The following EDEM1 variants were observed in gnomAD, a reference collection of about 807,000 sequenced individuals.
EDEM1 encodes ER degradation enhancing alpha-mannosidase like protein 1, also known as ER degradation-enhancing alpha-mannosidase-like protein 1.
EDEM1 carries 67 observed loss-of-function variants against 74.4 expected under a neutral mutation model. The ratio of observed to expected loss-of-function variants is 0.90; its 90% CI spans 0.74 to 1.10. EDEM1 has a LOEUF of 1.10. EDEM1 is among the 50% of genes least tolerant of loss of function. The pLI is 0.00. For synonymous variants in EDEM1, 382 were observed against 335.9 expected, an observed-to-expected ratio of 1.14 and a Z score of -1.50; for missense variants, 926 against 851.6, an observed-to-expected ratio of 1.09 and a Z score of -1.09.
chr3:5,203,318 T>C (rs1183253146), intron 5 of EDEM1, among the ~76,000 whole-genome samples, 169 bp downstream of exon 5: 1 of 152,198 alleles, frequency 6.6e-6, no homozygotes, highest in Non-Finnish European at 1.5e-5. Flanking sequence ...AGAGGCTGCA[T>C]GGTCTGATGG....
chr3:5,190,009 G>A (rs1483821999), intron 1 of EDEM1, among the ~76,000 whole-genome samples: 3 of 149,904 alleles, frequency 2.0e-5, no homozygotes, highest in Non-Finnish European at 3.0e-5. Flanking sequence ...TGGGGGGGGG[G>A]ATAAACTTCA....
chr3:5,195,569 C>T (rs1471483738), intron 2 of EDEM1, among the ~76,000 whole-genome samples: 1 of 152,002 alleles, frequency 6.6e-6, no homozygotes, highest in East Asian at 1.9e-4. Flanking sequence ...TAAAAGAACC[C>T]ATAATGAAGC....
intron 11 of EDEM1, 122 bp downstream of exon 11, chr3:5,213,644 C>A (rs529120265): frequency 1.0e-5 from 10 of 962,142 alleles, no homozygotes; most frequent in Non-Finnish European, 1.5e-5. Context: ...GATTTGAAAA[C>A]ACCTCCTAAA....
intron 6 of EDEM1, 67 bp downstream of exon 6, chr3:5,205,308 A>T: frequency 6.7e-7 from 1 of 1,489,406 alleles, no homozygotes; most frequent in Non-Finnish European, 9.1e-7. Context: ...AAGCGTTTGT[A>T]TTTTTTTTAA....
intron 10 of EDEM1, among the ~76,000 whole-genome samples, chr3:5,211,876 T>C (rs341989): frequency 0.93 from 141,913 of 152,242 alleles, 66,448 homozygotes; most frequent in Non-Finnish European, 0.98. Context: ...GCTCTTTCCA[T>C]CTCACCGCTC....
At chr3:5,203,341 C>T (rs1203724135) in intron 5 of EDEM1, among the ~76,000 whole-genome samples, 192 bp downstream of exon 5, 1 of 152,200 alleles carries the variant, frequency 6.6e-6, no homozygotes, top group Non-Finnish European at 1.5e-5. Context: ...AAGCATTAAG[C>T]TTTTGTGTTT....
chr3:5,202,965 G>C lies in EDEM1; in HGVS notation c.859-1G>C. The stretch of plus-strand genomic sequence containing the variant: ...CAGTCTTTGTCTGTTCCCATCCCCA[G>C]GTGAATCTAAAGACAGGAGTTCCTC... On this transcript the variant is annotated splice_acceptor_variant, in intron 4 of 11. Transcript: ENST00000256497. LOFTEE classifies it high-confidence loss of function. The C allele has an allele frequency of 6.2e-7, 1 of 1,613,074 alleles. No homozygotes were observed. The highest frequency in any genetic ancestry group is 8.5e-7 in the Non-Finnish European group (1 of 1,179,526).
At chr3:5,202,031 T>G in intron 4 of EDEM1, 107 bp downstream of exon 4, 1 of 1,363,838 alleles carries the variant, frequency 7.3e-7, no homozygotes, top group South Asian at 1.5e-5. Flanking sequence ...TGGAGGTAGA[T>G]GAGAAAAGCA....
intron 9 of EDEM1, among the ~76,000 whole-genome samples, chr3:5,210,850 T>C (rs2055159059): frequency 6.6e-6 from 1 of 152,206 alleles, no homozygotes; most frequent in East Asian, 1.9e-4. Context: ...CCGGTCATTT[T>C]CCTGGTGCCA....
chr3:5,200,457 CTCTG>C (rs1324365235), intron 3 of EDEM1, among the ~76,000 whole-genome samples: 1 of 152,168 alleles, frequency 6.6e-6, no homozygotes, highest in Non-Finnish European at 1.5e-5. Flanking sequence ...CTATTTCTCT[CTCTG>C]TCTCTCTCTT....
At position 5,219,713 on chromosome 3, in the gene EDEM1, T is replaced by C. The variant is rs1207922782; in HGVS notation, c.*3795T>C. On this transcript the variant is annotated 3_prime_UTR_variant, in exon 12 of 12. Transcript: ENST00000256497. ...GTAAATCTTTTTACAAAAAAAAGTA[T>C]AGAGTTGGAAACTCTGGGAAAACTT... The C allele has an allele frequency of 1.3e-5, 2 of 152,674 alleles. No individual in the cohort carries two copies. The highest frequency in any genetic ancestry group is 2.9e-5 in the Non-Finnish European group (2 of 68,036). 9.5% of individuals were successfully genotyped at this position (152,674 alleles called of 1,614,324 possible).
chr3:5,205,997 C>T (rs1382827848), intron 6 of EDEM1, among the ~76,000 whole-genome samples: 1 of 151,818 alleles, frequency 6.6e-6, no homozygotes, highest in Admixed American at 6.6e-5. Context: ...CAATGCAGGA[C>T]AATGTTTTGG....
chr3:5,188,541 A>G, intron 1 of EDEM1: 1 of 416,890 alleles, frequency 2.4e-6, no homozygotes, highest in Middle Eastern at 6.2e-4. Flanking sequence ...GGAATCTCCA[A>G]ACTTCAGAAC....
intron 11 of EDEM1, among the ~76,000 whole-genome samples, chr3:5,213,861 C>CA (rs1458597163): frequency 6.6e-6 from 1 of 152,174 alleles, no homozygotes; most frequent in Non-Finnish European, 1.5e-5. Context: ...GCAGAGTCAA[C>CA]ATGTGACCCC....
chr3:5,208,201 C>T lies in EDEM1; in HGVS notation c.1447C>T (p.Pro483Ser). ...PERYNWQLQA[P>S]DVLFYPLRPE... ...GAGATATAACTGGCAGCTGCAGGCC[C>T]CTGACGTTCTCTTCTACCCACTGAG... The change falls in exon 8 of 12, where the codon CCT (proline) becomes TCT (serine). Residue 483 changes from proline (P) to serine (S), a missense_variant. Physicochemically the swap from Pro to Ser is moderately conservative, Grantham distance 74. Coordinates refer to ENST00000256497, the MANE Select transcript of EDEM1 (RefSeq NM_014674.3). 2.5e-6 allele frequency: 4 copies of T among 1,613,836 alleles called. No individual in the cohort carries two copies. Among genetic ancestry groups the T allele is most frequent in the Non-Finnish European group, 2.5e-6 (3 of 1,179,916 alleles).
chr3:5,212,414 A>G (rs1346956528), intron 10 of EDEM1, among the ~76,000 whole-genome samples: 1 of 152,182 alleles, frequency 6.6e-6, no homozygotes, highest in Non-Finnish European at 1.5e-5. Context: ...GAGCCTAGCT[A>G]CATATTTCCA....
chr3:5,191,518 C>T (rs1235814373), intron 1 of EDEM1, among the ~76,000 whole-genome samples: 1 of 151,992 alleles, frequency 6.6e-6, no homozygotes, highest in Non-Finnish European at 1.5e-5. Flanking sequence ...TAGGTGTGAG[C>T]CACCAAGCCC....
Position 5,199,635 on chromosome 3 carries a change from T to C in EDEM1, c.626T>C (p.Val209Ala). 1 of 1,613,886 alleles carries C rather than the reference T, an allele frequency of 6.2e-7. No individual in the cohort carries two copies. The highest frequency in any genetic ancestry group is 1.1e-5 in the South Asian group (1 of 91,026). ...GAGTTCCAGAAAGCCGTCAAGTTAGTGATCAACACAGTTTCATTTGACAAA... is the reference window on the plus strand; with the variant it reads ...GAGTTCCAGAAAGCCGTCAAGTTAGCGATCAACACAGTTTCATTTGACAAA... ...SSEFQKAVKL[V>A]INTVSFDKDS... Residue 209 changes from valine (V) to alanine (A), a missense_variant, in exon 3 of 12, where the codon GTG (valine) becomes GCG (alanine). Transcript: ENST00000256497.
In EDEM1 at chr3:5,203,019, G is replaced by A. The variant is rs781624495; in HGVS notation, c.912G>A (p.Ala304=). 1.2e-5 allele frequency: 20 copies of A among 1,613,806 alleles called. No individual in the cohort carries two copies. Among genetic ancestry groups the A allele is most frequent in the African/African-American group, 6.7e-5 (5 of 74,882 alleles). Residue 304 remains alanine, a synonymous_variant, in exon 5 of 12, where the codon GCG becomes GCA. Coordinates refer to ENST00000256497, the MANE Select transcript of EDEM1 (RefSeq NM_014674.3). ...PPDTNNETCT[A]GAGSLLVEFG... ...ACACCAATAATGAGACATGCACAGC[G>A]GGAGCCGGTTCCCTCCTGGTGGAAT...
Sources: gnomAD v4.1 joint callset for allele counts (sites outside exome capture counted in the v4.1 genomes callset) on GRCh38, gnomAD v4.1.1 for gene constraint, MANE v1.5 for transcripts, NCBI Gene and HGNC (gene_info 2026-07-23, HGNC 2026-07-21) for gene names.